The following CCDC112 variants were observed in gnomAD, a reference collection of about 807,000 sequenced individuals.
CCDC112 encodes the protein coiled-coil domain-containing protein 112.
Under a neutral mutation model 66.3 loss-of-function variants are expected in CCDC112, and 40 were observed. The observed-to-expected ratio is 0.60, with a 90% confidence interval of 0.47 to 0.79. The LOEUF is 0.79. Among genes scored for constraint, CCDC112 ranks in the 30% least tolerant of loss-of-function variants. The probability of loss-of-function intolerance (pLI) is 0.00; values close to 1 mark genes in which losing one functional copy is unlikely to be tolerated. For synonymous variants in CCDC112, 214 were observed against 197.2 expected, an observed-to-expected ratio of 1.09 and a Z score of -0.71; for missense variants, 659 against 603.8, an observed-to-expected ratio of 1.09 and a Z score of -0.96.
At chr5:115,293,400 A>G (rs1310659731) in intron 1 of CCDC112, among the ~76,000 whole-genome samples, 2 of 152,218 alleles carry the variant, frequency 1.3e-5, no homozygotes, top group Admixed American at 6.5e-5. Context: ...CATTGTATAC[A>G]TATATCAGAA....
At chr5:115,287,310 T>C (rs1031219692) in intron 1 of CCDC112, among the ~76,000 whole-genome samples, 1 of 152,230 alleles carries the variant, frequency 6.6e-6, no homozygotes, top group African/African-American at 2.4e-5. Flanking sequence ...TGCTTGCTTA[T>C]TGGCCACTTC....
intron 1 of CCDC112, chr5:115,289,268 A>AATTCTGCAATTCTTGC (rs1368664953): frequency 6.0e-6 from 1 of 165,508 alleles, no homozygotes; most frequent in African/African-American, 2.4e-5. Flanking sequence ...TGACAATTGC[A>AATTCTGCAATTCTTGC]AGAATCTCCT....
intron 1 of CCDC112, among the ~76,000 whole-genome samples, chr5:115,286,599 T>G (rs1330306061): frequency 6.6e-6 from 1 of 152,162 alleles, no homozygotes; most frequent in Non-Finnish European, 1.5e-5. Context: ...TATTTTTTTT[T>G]ACTTTCCCAT....
rs775831862 is a variant in CCDC112 at position 115,279,690 on chromosome 5, T to C, written c.318A>G (p.Leu106=). 19 of 1,610,498 alleles carry C rather than the reference T, an allele frequency of 1.2e-5. No individual in the cohort carries two copies. The highest frequency in any genetic ancestry group is 8.9e-5 in the East Asian group (4 of 44,704). The change falls in exon 3 of 10, where the codon CTA becomes CTG. Residue 106 remains leucine, a synonymous_variant. Coordinates refer to ENST00000379611, the MANE Select transcript of CCDC112 (RefSeq NM_001040440.3). ...GAATCAATTTATTTTCCAATTCTTC[T>C]AGCATACTATGCTCAATTCTGAAGT... ...KSDFRIEHSM[L]EELENKLIHS... is the part of the protein sequence containing the mutation.
chr5:115,286,320 T>C (rs68086593), intron 1 of CCDC112, among the ~76,000 whole-genome samples: 11,857 of 152,242 alleles, frequency 0.078, 756 homozygotes, highest in African/African-American at 0.17. Flanking sequence ...GTCTGACTTC[T>C]TTCACTTCAC....
intron 2 of CCDC112, 92 bp downstream of exon 2, chr5:115,284,695 T>G: frequency 7.4e-6 from 7 of 950,002 alleles, no homozygotes; most frequent in Non-Finnish European, 7.8e-6. Flanking sequence ...TAACTTAATG[T>G]GAGCCTAGGT....
chr5:115,287,472 A>G (rs1203891389), intron 1 of CCDC112, among the ~76,000 whole-genome samples: 1 of 152,208 alleles, frequency 6.6e-6, no homozygotes, highest in Non-Finnish European at 1.5e-5. Flanking sequence ...AAGACCAGAC[A>G]AAATAAAAAT....
chr5:115,270,296 T>G (rs1748943221), intron 7 of CCDC112, among the ~76,000 whole-genome samples: 1 of 152,186 alleles, frequency 6.6e-6, no homozygotes, highest in South Asian at 2.1e-4. Flanking sequence ...GTTATTTTTC[T>G]TTGTACCTCC....
chr5:115,283,150 T>C (rs1006701396), intron 2 of CCDC112, among the ~76,000 whole-genome samples: 4 of 152,150 alleles, frequency 2.6e-5, no homozygotes, highest in African/African-American at 9.7e-5. Flanking sequence ...ATACTAAAGA[T>C]ATATGTATTA....
chr5:115,275,667 A>G, intron 5 of CCDC112, 61 bp from the exon 6 acceptor site: 1 of 1,205,618 alleles, frequency 8.3e-7, no homozygotes, highest in South Asian at 1.6e-5. Context: ...TTAATTTTCC[A>G]TCAAATTTAA....
At chr5:115,271,768 T>TA in intron 6 of CCDC112, 142 bp from the exon 7 acceptor site, 1 of 577,116 alleles carries the variant, frequency 1.7e-6, no homozygotes, top group Non-Finnish European at 2.8e-6. Flanking sequence ...AGCTTTGTTT[T>TA]AACCATTGCA....
chr5:115,269,549 C>G, intron 8 of CCDC112, 154 bp downstream of exon 8: 3 of 556,250 alleles, frequency 5.4e-6, no homozygotes, highest in Non-Finnish European at 9.2e-6. Context: ...TAAATTGTAC[C>G]AAGTTATGCT....
intron 1 of CCDC112, among the ~76,000 whole-genome samples, chr5:115,290,812 C>A (rs1185758711): frequency 2.0e-5 from 3 of 151,966 alleles, no homozygotes; most frequent in South Asian, 4.2e-4. Flanking sequence ...ATACAACTGA[C>A]TTTTGTATAT....
chr5:115,285,541 T>A (rs1378051686), intron 1 of CCDC112, among the ~76,000 whole-genome samples: 1 of 151,996 alleles, frequency 6.6e-6, no homozygotes, highest in African/African-American at 2.4e-5. Flanking sequence ...TGAAAGACTT[T>A]GCTGAGTTCA....
At chr5:115,267,993 C>G in intron 9 of CCDC112, 75 bp from the exon 10 acceptor site, 2 of 1,173,734 alleles carry the variant, frequency 1.7e-6, no homozygotes, top group Admixed American at 1.9e-5. Context: ...TGATTAAGTG[C>G]TAACTTTAAA....
Position 115,296,501 on chromosome 5 carries a change from C to T in CCDC112, c.43G>A (p.Ala15Thr), listed in dbSNP as rs760608605. The T allele has an allele frequency of 1.3e-6, 2 of 1,551,880 alleles. No homozygotes were observed. The highest frequency in any genetic ancestry group is 1.2e-5 in the South Asian group (1 of 85,734). Reference sequence around the variant, plus strand: ...GCCCCTGCCACAGCCCCGGCTACCGCGGTGGCCGCAGCCGCTACCACAACC... The same window carrying T: ...GCCCCTGCCACAGCCCCGGCTACCGTGGTGGCCGCAGCCGCTACCACAACC... ...TTVVVAAAAT[A>T]VAGAVAGAGA... is the part of the protein sequence containing the mutation. The change falls in exon 1 of 10, where the codon GCG becomes ACG. Residue 15 changes from alanine to threonine, a missense_variant. Transcript: ENST00000379611.
intron 5 of CCDC112, 73 bp downstream of exon 5, chr5:115,275,921 C>A (rs1430024964): frequency 3.0e-6 from 3 of 1,005,184 alleles, no homozygotes; most frequent in Non-Finnish European, 1.5e-6. Context: ...GCATTATATA[C>A]AAAAATGTAC....
rs1056347546 is a variant in CCDC112, at chr5:115,288,967, T to C, written c.118-4059A>G. 6 of 370,094 alleles carry C rather than the reference T, an allele frequency of 1.6e-5. No individual in the cohort carries two copies. In the East Asian group the frequency reaches 4.1e-4, roughly 25 times the overall value. The allele number at this position is 370,094 out of a possible 1,614,324, so 22.9% of individuals were successfully genotyped here. On this transcript the variant is annotated intron_variant, in intron 1 of 9. Coordinates refer to ENST00000379611, the MANE Select transcript of CCDC112 (RefSeq NM_001040440.3). ...GGAGACAGGGACTACTAAGACACAG[T>C]AGATGATATTAATCAGATTGGCTTC...
chr5:115,293,321 A>G (rs1750015434), intron 1 of CCDC112, among the ~76,000 whole-genome samples: 2 of 152,300 alleles, frequency 1.3e-5, no homozygotes, highest in South Asian at 4.1e-4. Context: ...GTAAATTTCA[A>G]ATGTTTCACC....
Sources: allele counts gnomAD v4.1 joint callset (sites outside exome capture counted in the v4.1 genomes callset), GRCh38; gene constraint gnomAD v4.1.1; transcripts MANE v1.5; gene names NCBI Gene and HGNC (gene_info 2026-07-23, HGNC 2026-07-21).